The following NRBF2 variants were observed in gnomAD, a reference collection of about 807,000 sequenced individuals.
NRBF2 encodes nuclear receptor-binding factor 2.
NRBF2 carries 12 observed loss-of-function variants against 28.5 expected under a neutral mutation model. The observed-to-expected ratio is 0.42, with a 90% CI of 0.27 to 0.68. The LOEUF (loss-of-function observed/expected upper bound fraction) is 0.68. Ranked by LOEUF, NRBF2 falls within the 30% of genes least tolerant of loss-of-function variation. The probability of loss-of-function intolerance (pLI) is 0.24; values close to 1 mark genes in which losing one functional copy is unlikely to be tolerated. For missense variants in NRBF2, 274 were observed against 333.5 expected, an observed-to-expected ratio of 0.82 and a Z score of 1.39; for synonymous variants, 102 against 116.5, an observed-to-expected ratio of 0.88 and a Z score of 0.80.
Position 63,146,307 on chromosome 10 carries a change from T to A in NRBF2, c.115+14T>A, listed in dbSNP as rs1841560492. On this transcript the variant is annotated intron_variant, in intron 2 of 3. Transcript: ENST00000277746. ...AAAAGGCTGCAGGTGAGTATTCTTA[T>A]TAAGTACTCAGTGTAAAACTGAAGA... 2.5e-6 allele frequency: 4 copies of A among 1,570,366 alleles called. No homozygotes were observed. Among genetic ancestry groups the A allele is most frequent in the Non-Finnish European group, 3.5e-6 (4 of 1,145,156 alleles).
At chr10:63,150,101 C>G (rs1237223695) in intron 2 of NRBF2, among the ~76,000 whole-genome samples, 1 of 151,210 alleles carries the variant, frequency 6.6e-6, no homozygotes, top group African/African-American at 2.5e-5. Flanking sequence ...GCCACCACGC[C>G]CAGCTAATTT....
intron 1 of NRBF2, among the ~76,000 whole-genome samples, chr10:63,142,494 T>G (rs1037565567): frequency 2.0e-5 from 3 of 151,784 alleles, no homozygotes; most frequent in African/African-American, 4.8e-5. Context: ...TTTAACCAGG[T>G]GATTTGTATT....
At chr10:63,144,180 T>G (rs1207157548) in intron 1 of NRBF2, among the ~76,000 whole-genome samples, 1 of 152,148 alleles carries the variant, frequency 6.6e-6, no homozygotes, top group South Asian at 2.1e-4. Flanking sequence ...GTCCAGAATT[T>G]TTTCATCTTG....
intron 1 of NRBF2, among the ~76,000 whole-genome samples, chr10:63,142,979 C>G (rs1473369032): frequency 6.6e-6 from 1 of 151,748 alleles, no homozygotes; most frequent in Non-Finnish European, 1.5e-5. Context: ...TGGTGTTTCA[C>G]CATATTGGCC....
chr10:63,154,883 A>G lies in NRBF2; in HGVS notation c.*665A>G, dbSNP rs1841710559. On this transcript the variant is annotated 3_prime_UTR_variant, in exon 4 of 4. Transcript: ENST00000277746. ...ACATAATTAATCAGGGTGCATTTTA[A>G]GTTCTAACTTCGTTTATTGTATAAT... 1 of 152,698 alleles carries G rather than the reference A, an allele frequency of 6.5e-6. No individual in the cohort carries two copies. The highest frequency in any genetic ancestry group is 1.9e-4 in the East Asian group (1 of 5,204). The allele number at this position is 152,698 out of a possible 1,614,324, so 9.5% of individuals were successfully genotyped here. A position where few individuals can be genotyped will look rare whatever the true frequency, so the allele number is the denominator to read the frequency against.
intron 2 of NRBF2, 80 bp from the exon 3 acceptor site, chr10:63,152,067 TGAA>T (rs1186854577): frequency 1.0e-6 from 1 of 991,416 alleles, no homozygotes; most frequent in African/African-American, 1.7e-5. Context: ...CTTTGTCATA[TGAA>T]GATTATTAAA....
chr10:63,144,560 GC>G (rs1400547946), intron 1 of NRBF2, among the ~76,000 whole-genome samples: 1 of 151,842 alleles, frequency 6.6e-6, no homozygotes, highest in Non-Finnish European at 1.5e-5. Flanking sequence ...GACAACAGGT[GC>G]CCCCCACCAC....
intron 1 of NRBF2, among the ~76,000 whole-genome samples, chr10:63,134,671 G>A (rs561671800): frequency 1.3e-5 from 2 of 152,340 alleles, no homozygotes; most frequent in South Asian, 2.1e-4. Context: ...ACATAGTACA[G>A]TGTAAGAGTT....
intron 2 of NRBF2, among the ~76,000 whole-genome samples, chr10:63,150,776 C>G (rs909500761): frequency 2.6e-5 from 4 of 152,162 alleles, no homozygotes; most frequent in African/African-American, 9.7e-5. Flanking sequence ...GCTTGTTTTC[C>G]TGCAGCTAGA....
chr10:63,146,255 A>C lies in NRBF2; in HGVS notation c.77A>C (p.Lys26Thr), dbSNP rs752756880. ...RRADRLLAAG[K>T]YEEAISCHKK... ...GCAGACCGTTTATTAGCTGCAGGCA[A>C]ATACGAAGAGGCTATTTCTTGTCAC... Residue 26 changes from lysine (K) to threonine (T), a missense_variant, in exon 2 of 4, where the codon AAA (lysine) becomes ACA (threonine). Coordinates refer to ENST00000277746, the MANE Select transcript of NRBF2 (RefSeq NM_030759.5). 1.2e-6 allele frequency: 2 copies of C among 1,612,800 alleles called. No individual in the cohort carries two copies. The highest frequency in any genetic ancestry group is 2.2e-5 in the South Asian group (2 of 90,936).
At chr10:63,147,425 G>T (rs543677283) in intron 2 of NRBF2, among the ~76,000 whole-genome samples, 3 of 151,726 alleles carry the variant, frequency 2.0e-5, no homozygotes, top group East Asian at 3.9e-4. Flanking sequence ...GTTTCAAGTG[G>T]TTCTCCTGCC....
chr10:63,151,809 T>C (rs531549132), intron 2 of NRBF2, among the ~76,000 whole-genome samples: 63 of 152,304 alleles, frequency 4.1e-4, no homozygotes, highest in Non-Finnish European at 2.8e-4. Context: ...CTCATGATAT[T>C]TTTGTGAGTA....
chr10:63,147,791 G>C (rs896904575), intron 2 of NRBF2, among the ~76,000 whole-genome samples: 1 of 145,746 alleles, frequency 6.9e-6, no homozygotes, highest in Non-Finnish European at 1.5e-5. Flanking sequence ...AAAAGAAATA[G>C]TTTTGCCACT....
chr10:63,144,072 T>C (rs1347830385), intron 1 of NRBF2, among the ~76,000 whole-genome samples: 2 of 152,184 alleles, frequency 1.3e-5, no homozygotes, highest in African/African-American at 2.4e-5. Flanking sequence ...TTTACCTTTT[T>C]TAAGTGATGT....
intron 1 of NRBF2, among the ~76,000 whole-genome samples, chr10:63,136,401 C>T (rs958359962): frequency 3.3e-5 from 5 of 152,150 alleles, no homozygotes; most frequent in Admixed American, 1.3e-4. Context: ...TTTGAAAATT[C>T]CACTAGTATT....
At chr10:63,148,603 C>G (rs1034699672) in intron 2 of NRBF2, among the ~76,000 whole-genome samples, 2 of 152,192 alleles carry the variant, frequency 1.3e-5, no homozygotes, top group Non-Finnish European at 2.9e-5. Flanking sequence ...TGTCAAAGAT[C>G]AGAGGAGATT....
intron 1 of NRBF2, among the ~76,000 whole-genome samples, chr10:63,144,793 C>T (rs572402470): frequency 6.6e-6 from 1 of 152,254 alleles, no homozygotes. Flanking sequence ...TGTTGATGGA[C>T]ATCTGGATTG....
At chr10:63,148,891 T>G (rs56133660) in intron 2 of NRBF2, among the ~76,000 whole-genome samples, 3,239 of 152,284 alleles carry the variant, frequency 0.021, 112 homozygotes, top group African/African-American at 0.072. Flanking sequence ...TTGGCAGTGC[T>G]TAGAACTCAA....
chr10:63,145,232 T>C (rs1414122171), intron 1 of NRBF2, among the ~76,000 whole-genome samples: 1 of 151,376 alleles, frequency 6.6e-6, no homozygotes, highest in Non-Finnish European at 1.5e-5. Context: ...CTCAGCCTCC[T>C]GAGTAGCTGG....
Sources: gnomAD v4.1 joint callset for allele counts (sites outside exome capture counted in the v4.1 genomes callset) on GRCh38, gnomAD v4.1.1 for gene constraint, MANE v1.5 for transcripts, NCBI Gene and HGNC (gene_info 2026-07-23, HGNC 2026-07-21) for gene names.